The following PDE1B variants were observed in gnomAD, a reference collection of about 807,000 sequenced individuals.
The protein encoded by PDE1B is dual specificity calcium/calmodulin-dependent 3',5'-cyclic nucleotide phosphodiesterase 1B.
A neutral mutation model predicts 66.7 loss-of-function variants in PDE1B; 13 were observed. The ratio of observed to expected loss-of-function variants is 0.19; its 90% CI spans 0.13 to 0.31. The LOEUF (loss-of-function observed/expected upper bound fraction) is 0.31. Ranked by LOEUF, PDE1B falls within the 10% of genes least tolerant of loss-of-function variation. PDE1B has a pLI of 1.00. For missense variants in PDE1B, 485 were observed against 682.3 expected (o/e 0.71, Z 3.22); for synonymous variants, 230 against 253.9 (o/e 0.91, Z 0.90).
Position 54,576,474 on chromosome 12 carries a change from T to TTCTC in PDE1B, c.1377-96_1377-93dup. ...AGAGGAAGATGAAGTTCCCTGAACC[T>TTCTC]TCTCCTGGTCTTCCATGTCCTGCAC... On this transcript the variant is annotated intron_variant, in intron 13 of 15. Transcript: ENST00000243052. 3 of 1,457,690 alleles carry TTCTC rather than the reference T, an allele frequency of 2.1e-6. No individual in the cohort carries two copies. In the South Asian group the frequency reaches 3.6e-5, roughly 17 times the overall value. 90.3% of individuals were successfully genotyped at this position (1,457,690 alleles called of 1,614,324 possible).
chr12:54,576,476 C>T (rs1957749868), intron 13 of PDE1B, 95 bp from the exon 14 acceptor site: 3 of 1,462,672 alleles, frequency 2.1e-6, no homozygotes, highest in Non-Finnish European at 2.8e-6. Context: ...CCTGAACCTT[C>T]TCCTGGTCTT....
chr12:54,551,280 G>A (rs868055885), intron 2 of PDE1B, among the ~76,000 whole-genome samples: 1 of 152,206 alleles, frequency 6.6e-6, no homozygotes, highest in Non-Finnish European at 1.5e-5. Flanking sequence ...TACTTGGAGA[G>A]GCGTTAGGGA....
chr12:54,573,289 G>T lies in PDE1B; in HGVS notation c.836+41G>T. 6.2e-7 allele frequency: 1 copy of T among 1,613,122 alleles called. No homozygotes were observed. The highest frequency in any genetic ancestry group is 8.5e-7 in the Non-Finnish European group (1 of 1,179,046). ...GTGGCAGGGGCAGGAGGGGCCAAGA[G>T]GAGGTGGGGAGGTTGCCGGAGTCCC... On this transcript the variant is annotated intron_variant, in intron 8 of 15. Coordinates refer to ENST00000243052, the MANE Select transcript of PDE1B (RefSeq NM_000924.4). This position sits in a 1 kb window ranked among gnomAD's most constrained non-coding sequence, Gnocchi z 5.2.
At chr12:54,574,836 G>A in intron 10 of PDE1B, 1 of 247,090 alleles carries the variant, frequency 4.0e-6, no homozygotes, top group Non-Finnish European at 7.8e-6. Context: ...AGCTGGGTGT[G>A]GTGGCATGCA....
intron 15 of PDE1B, chr12:54,577,563 C>G (rs1249951): frequency 0.49 from 749,566 of 1,524,698 alleles, 186,010 homozygotes; most frequent in Middle Eastern, 0.67. Flanking sequence ...AAAGGAGGTA[C>G]CTTCTCAGAA....
Position 54,566,978 on chromosome 12 carries a change from C to T in PDE1B, c.118C>T (p.Arg40Cys), listed in dbSNP as rs147900601. The change falls in exon 3 of 16, where the codon CGC (arginine) becomes TGC (cysteine). Residue 40 changes from arginine (R) to cysteine (C), a missense_variant. Physicochemically the swap from Arg to Cys is radical, Grantham distance 180. Transcript: ENST00000243052. ...KMWIKLRSLL[R>C]YMVKQLENGE... ...CTCTGTATCTGCTCCCTGCAGGCTG[C>T]GCTACATGGTGAAGCAGTTGGAGAA... 1.2e-5 allele frequency: 20 copies of T among 1,600,990 alleles called. No individual in the cohort carries two copies. Among genetic ancestry groups the T allele is most frequent in the East Asian group, 4.5e-5 (2 of 44,744 alleles).
rs570330109 is a variant in PDE1B at position 54,575,263 on chromosome 12, C to T, written c.1185+45C>T. On this transcript the variant is annotated intron_variant, in intron 11 of 15. Transcript: ENST00000243052. The surrounding 1 kb of genome is among the most constrained non-coding windows in gnomAD (Gnocchi z 4.0). ...TTCCCTGTGCCTATGGGGGCCTTCT[C>T]TCCCCTTTTGCCCTCCAAGTTCCCC... 343 of 1,580,402 alleles carry T rather than the reference C, an allele frequency of 2.2e-4. 1 individual carries two copies. In the South Asian group the frequency reaches 3.6e-3, roughly 17 times the overall value.
chr12:54,566,706 G>A (rs141769119), intron 2 of PDE1B, among the ~76,000 whole-genome samples: 4 of 152,182 alleles, frequency 2.6e-5, no homozygotes, highest in Non-Finnish European at 4.4e-5. Flanking sequence ...ACTAAAGAGC[G>A]GGTTTCGAGA....
In PDE1B at chr12:54,569,461, C is replaced by T. The variant is rs1225352307; in HGVS notation, c.411-85C>T. On this transcript the variant is annotated intron_variant, in intron 4 of 15. Transcript: ENST00000243052. The surrounding 1 kb of genome is among the most constrained non-coding windows in gnomAD (Gnocchi z 4.4). The stretch of plus-strand genomic sequence containing the variant: ...TCCATGACCACCAGCCATATGATCC[C>T]ATGGCTCATCCCCACATCCCCAGCT... 2 of 1,572,632 alleles carry T rather than the reference C, an allele frequency of 1.3e-6. No homozygotes were observed. Among genetic ancestry groups the T allele is most frequent in the African/African-American group, 1.3e-5 (1 of 74,144 alleles).
At chr12:54,554,856 C>G (rs1230512378) in intron 2 of PDE1B, among the ~76,000 whole-genome samples, 1 of 152,114 alleles carries the variant, frequency 6.6e-6, no homozygotes, top group African/African-American at 2.4e-5. Flanking sequence ...ATGATAAAGC[C>G]TGAAGGTCTT....
intron 2 of PDE1B, among the ~76,000 whole-genome samples, chr12:54,560,788 T>C (rs751690803): frequency 2.0e-5 from 3 of 152,242 alleles, no homozygotes; most frequent in Non-Finnish European, 4.4e-5. Context: ...GACCTCTCTC[T>C]GGTTAATTCA....
Position 54,569,692 on chromosome 12 carries a change from A to G in PDE1B, c.477+80A>G, listed in dbSNP as rs974403084. 2.6e-5 allele frequency: 25 copies of G among 951,532 alleles called. No homozygotes were observed. The East Asian group carries it at 6.1e-4, about 23-fold the overall frequency. The allele number at this position is 951,532 out of a possible 1,614,324, so 58.9% of individuals were successfully genotyped here. Reference sequence around the variant, plus strand: ...GGGACTTCTAGACCCTGTTTATGGCATTATTTTTGCCTTCCTTTTTTTTTT... The same window carrying G: ...GGGACTTCTAGACCCTGTTTATGGCGTTATTTTTGCCTTCCTTTTTTTTTT... On this transcript the variant is annotated intron_variant, in intron 5 of 15. Transcript: ENST00000243052. This position sits in a 1 kb window ranked among gnomAD's most constrained non-coding sequence, Gnocchi z 4.4.
At chr12:54,570,675 A>G (rs1957599585) in intron 6 of PDE1B, 1 of 277,670 alleles carries the variant, frequency 3.6e-6, no homozygotes, top group East Asian at 7.2e-5. Context: ...GGAGGCCTGG[A>G]GTTCAGATGC....
At chr12:54,557,036 T>C (rs886286256) in intron 2 of PDE1B, among the ~76,000 whole-genome samples, 1 of 152,162 alleles carries the variant, frequency 6.6e-6, no homozygotes. Flanking sequence ...ATGTCCCTAG[T>C]TCTCTTCTCT....
intron 2 of PDE1B, among the ~76,000 whole-genome samples, chr12:54,555,832 C>T (rs1038831757): frequency 6.6e-6 from 1 of 152,174 alleles, no homozygotes; most frequent in Non-Finnish European, 1.5e-5. Context: ...TCCCTTGTCC[C>T]ACTTCCTCTC....
In PDE1B at chr12:54,567,858, A is replaced by T. The variant is rs796082385; in HGVS notation, c.227+771A>T. Among the ~76,000 whole-genome samples, 1,028 of 144,678 alleles carry T rather than the reference A, an allele frequency of 7.1e-3. 7 individuals are homozygous for T. Among genetic ancestry groups the T allele is most frequent in the African/African-American group, 0.015 (599 of 39,836 alleles). 94.9% of individuals were successfully genotyped at this position (144,678 alleles called of 152,430 possible). On this transcript the variant is annotated intron_variant, in intron 3 of 15. Transcript: ENST00000243052. The stretch of plus-strand genomic sequence containing the variant: ...ATGTAAGATATTCATATATATATAT[A>T]TATATTTTTTTGTTTTGAGACAGAG...
intron 10 of PDE1B, chr12:54,574,843 T>C: frequency 3.7e-6 from 1 of 273,524 alleles, no homozygotes; most frequent in African/African-American, 2.2e-5. Flanking sequence ...TGTGGTGGCA[T>C]GCACGCCTGT....
chr12:54,567,207 T>A, intron 3 of PDE1B, 120 bp downstream of exon 3: 4 of 545,458 alleles, frequency 7.3e-6, no homozygotes, highest in Non-Finnish European at 1.3e-5. Context: ...AGAGAGAGGG[T>A]GGACCAGATA....
At chr12:54,572,801 G>GTCTA in intron 7 of PDE1B, 60 bp downstream of exon 7, 1 of 1,506,706 alleles carries the variant, frequency 6.6e-7, no homozygotes, top group Non-Finnish European at 9.2e-7. Context: ...GAACTGGGAG[G>GTCTA]TCTAGACTGT....
Sources: gnomAD v4.1 joint callset for allele counts (sites outside exome capture counted in the v4.1 genomes callset) on GRCh38, gnomAD v4.1.1 for gene constraint, Gnocchi (gnomAD v3.1) non-coding constraint, MANE v1.5 for transcripts, NCBI Gene and HGNC (gene_info 2026-07-23, HGNC 2026-07-21) for gene names.